Variants in WDPCP observed in about 807,000 individuals in gnomAD.
WDPCP encodes the protein WD repeat containing planar cell polarity effector.
Under a neutral mutation model 93.1 loss-of-function variants are expected in WDPCP, and 71 were observed. That is an observed-to-expected ratio of 0.76 (90% CI 0.63 to 0.93). The LOEUF (loss-of-function observed/expected upper bound fraction) is 0.93, where lower values mean the gene tolerates loss of function less well. Among genes scored for constraint, WDPCP ranks in the 40% least tolerant of loss-of-function variants. The probability of loss-of-function intolerance (pLI) is 0.00; values close to 1 mark genes in which losing one functional copy is unlikely to be tolerated. For synonymous variants in WDPCP, 315 were observed against 315.0 expected (o/e 1.00, Z 0.00); for missense variants, 844 against 887.4 (o/e 0.95, Z 0.62).
intron 1 of WDPCP, among the ~76,000 whole-genome samples, chr2:63,821,791 C>T (rs1671022701): frequency 6.6e-6 from 1 of 151,852 alleles, no homozygotes; most frequent in South Asian, 2.1e-4. Flanking sequence ...AACTATAGGC[C>T]CTACTCAAAG....
At chr2:63,656,793 C>T (rs781267162) in intron 2 of WDPCP, among the ~76,000 whole-genome samples, 15 of 152,130 alleles carry the variant, frequency 9.9e-5, no homozygotes, top group Non-Finnish European at 2.1e-4. Context: ...CAAAGGCTAT[C>T]AAGGTAGTAA....
chr2:63,446,085 C>T (rs1441669851), intron 6 of WDPCP, among the ~76,000 whole-genome samples: 1 of 152,168 alleles, frequency 6.6e-6, no homozygotes, highest in African/African-American at 2.4e-5. Context: ...TTAACTCTCA[C>T]TTCTCAGTTG....
At chr2:63,683,404 A>G (rs999325411) in intron 2 of WDPCP, among the ~76,000 whole-genome samples, 3 of 152,204 alleles carry the variant, frequency 2.0e-5, no homozygotes, top group Admixed American at 6.5e-5. Flanking sequence ...ATAGAAAAAG[A>G]TATTTCATGC....
intron 12 of WDPCP, among the ~76,000 whole-genome samples, chr2:63,338,964 T>C (rs1291206022): frequency 1.3e-5 from 2 of 152,164 alleles, no homozygotes; most frequent in Non-Finnish European, 2.9e-5. Flanking sequence ...TAAATTGCCT[T>C]GGGCAGTATT....
intron 3 of WDPCP, among the ~76,000 whole-genome samples, chr2:63,645,711 A>G (rs1002844728): frequency 6.6e-6 from 1 of 152,170 alleles, no homozygotes; most frequent in Non-Finnish European, 1.5e-5. Context: ...TATATTTACA[A>G]TTGTTATATT....
At chr2:63,299,612 A>T (rs184841826) in intron 13 of WDPCP, among the ~76,000 whole-genome samples, 4 of 152,182 alleles carry the variant, frequency 2.6e-5, no homozygotes, top group Non-Finnish European at 1.5e-5. Context: ...TCTGGAAGGT[A>T]CCCTTCAGCC....
At chr2:63,507,801 T>C (rs986945811) in intron 1 of WDPCP, among the ~76,000 whole-genome samples, 1 of 151,880 alleles carries the variant, frequency 6.6e-6, no homozygotes, top group African/African-American at 2.4e-5. Flanking sequence ...CAAGTATAAA[T>C]AGCCAAATTG....
intron 17 of WDPCP, among the ~76,000 whole-genome samples, chr2:63,133,781 A>G (rs1670442599): frequency 6.6e-6 from 1 of 152,182 alleles, no homozygotes; most frequent in Non-Finnish European, 1.5e-5. Flanking sequence ...TAGCAGCATG[A>G]GAATGGACTA....
intron 1 of WDPCP, among the ~76,000 whole-genome samples, chr2:63,507,321 G>A (rs1020531151): frequency 6.6e-6 from 1 of 152,028 alleles, no homozygotes; most frequent in African/African-American, 2.4e-5. Flanking sequence ...GCAACACTGG[G>A]AGTTGTTAGA....
chr2:63,763,377 C>A (rs1322722130), intron 2 of WDPCP, among the ~76,000 whole-genome samples: 1 of 151,820 alleles, frequency 6.6e-6, no homozygotes, highest in Non-Finnish European at 1.5e-5. Flanking sequence ...TGGTGGCACA[C>A]CTGTAATTCC....
chr2:63,574,139 G>A (rs983683755), intron 1 of WDPCP, among the ~76,000 whole-genome samples: 5 of 152,018 alleles, frequency 3.3e-5, no homozygotes, highest in African/African-American at 1.2e-4. Context: ...ATTACCTTGT[G>A]CAGCACGTGA....
At chr2:63,383,103 T>C (rs1692449923) in intron 10 of WDPCP, among the ~76,000 whole-genome samples, 1 of 151,850 alleles carries the variant, frequency 6.6e-6, no homozygotes, top group Non-Finnish European at 1.5e-5. Flanking sequence ...CATATAATCA[T>C]AATAAAATCA....
intron 1 of WDPCP, among the ~76,000 whole-genome samples, chr2:63,827,102 A>C (rs1031692996): frequency 6.6e-6 from 1 of 152,162 alleles, no homozygotes. Flanking sequence ...AAAATGTGCA[A>C]ATTTTAAAAG....
upstream of WDPCP, among the ~76,000 whole-genome samples, chr2:63,829,033 T>C (rs1297512476): frequency 6.6e-6 from 1 of 152,100 alleles, no homozygotes; most frequent in Non-Finnish European, 1.5e-5. Context: ...ATTATTATGA[T>C]AAAAGTAATA....
At chr2:63,437,902 A>C (rs1025167173) in intron 7 of WDPCP, 4 of 1,594,004 alleles carry the variant, frequency 2.5e-6, no homozygotes, top group Non-Finnish European at 3.4e-6. Context: ...ATTTGTGCTA[A>C]GAGTTTAATC....
At chr2:63,733,169 T>C (rs938232469) in intron 2 of WDPCP, among the ~76,000 whole-genome samples, 3 of 149,128 alleles carry the variant, frequency 2.0e-5, no homozygotes, top group Non-Finnish European at 4.5e-5. Context: ...TACAAGCTAA[T>C]ATACAAATAA....
chr2:63,345,483 T>C (rs1370344536), intron 12 of WDPCP, among the ~76,000 whole-genome samples: 1 of 152,176 alleles, frequency 6.6e-6, no homozygotes, highest in African/African-American at 2.4e-5. Context: ...CTGTATATGC[T>C]TTCAGGAAGG....
intron 17 of WDPCP, among the ~76,000 whole-genome samples, chr2:63,126,672 T>G (rs959323772): frequency 6.8e-5 from 10 of 147,782 alleles, no homozygotes; most frequent in African/African-American, 2.2e-4. Flanking sequence ...TTGTGTTTTT[T>G]TTTTTTTTTT....
At chr2:63,433,431 A>T (rs149070273) in intron 9 of WDPCP, among the ~76,000 whole-genome samples, 167 of 152,306 alleles carry the variant, frequency 1.1e-3, no homozygotes, top group African/African-American at 3.9e-3. Flanking sequence ...GCATGTATTA[A>T]CTCATTTATC....
Sources: allele counts gnomAD v4.1 joint callset (sites outside exome capture counted in the v4.1 genomes callset), GRCh38; gene constraint gnomAD v4.1.1; transcripts MANE v1.5; gene names NCBI Gene and HGNC (gene_info 2026-07-23, HGNC 2026-07-21).